Variants in TLL2 observed in about 807,000 individuals in gnomAD.
The protein encoded by TLL2 is tolloid-like protein 2.
Under a neutral mutation model 123.0 loss-of-function variants are expected in TLL2, and 106 were observed. The ratio of observed to expected loss-of-function variants is 0.86; its 90% CI spans 0.74 to 1.01. The LOEUF is 1.01. Ranked by LOEUF, TLL2 falls within the 50% of genes least tolerant of loss-of-function variation. TLL2 has a pLI of 0.00. For missense variants in TLL2, 1,332 were observed against 1,336.7 expected, an observed-to-expected ratio of 1.00 and a Z score of 0.06; for synonymous variants, 494 against 516.8, an observed-to-expected ratio of 0.96 and a Z score of 0.60.
chr10:96,500,019 A>G (rs1261302275), intron 1 of TLL2, among the ~76,000 whole-genome samples: 2 of 150,270 alleles, frequency 1.3e-5, no homozygotes, highest in African/African-American at 2.5e-5. Context: ...GATGCCTCAC[A>G]CCTGTAATCC....
chr10:96,372,290 C>T (rs890061235), intron 19 of TLL2, among the ~76,000 whole-genome samples: 5 of 151,980 alleles, frequency 3.3e-5, no homozygotes, highest in African/African-American at 4.8e-5. Flanking sequence ...TTATATTTTC[C>T]GGTACTGAAA....
At chr10:96,476,845 T>C (rs1847258533) in intron 2 of TLL2, among the ~76,000 whole-genome samples, 1 of 133,844 alleles carries the variant, frequency 7.5e-6, no homozygotes, top group Non-Finnish European at 1.6e-5. Flanking sequence ...AAATCCCTAA[T>C]CCCTTTTATG....
intron 7 of TLL2, among the ~76,000 whole-genome samples, chr10:96,420,304 C>A (rs942007): frequency 0.58 from 87,519 of 152,094 alleles, 26,354 homozygotes; most frequent in East Asian, 0.74. Context: ...AGGGAAAATA[C>A]TGAAAATCTT....
intron 7 of TLL2, among the ~76,000 whole-genome samples, chr10:96,417,612 G>A (rs1207174494): frequency 6.6e-6 from 1 of 152,190 alleles, no homozygotes; most frequent in Non-Finnish European, 1.5e-5. Flanking sequence ...CAGAGCTGGG[G>A]CCTTAAGAGG....
chr10:96,376,557 G>A, intron 18 of TLL2, 135 bp downstream of exon 18: 1 of 949,808 alleles, frequency 1.1e-6, no homozygotes, highest in South Asian at 1.7e-5. Context: ...ATGTTTTCCA[G>A]ATAATGAAAC....
rs1404724087 is a variant in TLL2, at chr10:96,410,448, T to C, written c.1075A>G (p.Thr359Ala). 1 of 1,614,014 alleles carries C rather than the reference T, an allele frequency of 6.2e-7. No homozygotes were observed. Among genetic ancestry groups the C allele is most frequent in the Non-Finnish European group, 8.5e-7 (1 of 1,180,002 alleles). ...PACGETLQDTTGNFSAPGFPN... is the reference protein window; with the variant it reads ...PACGETLQDTAGNFSAPGFPN... Reference sequence around the variant, plus strand: ...AAACCAGGTGCAGAAAAGTTTCCCGTTGTGTCCTGCAGGGTCTCCCCACAC... The same window carrying C: ...AAACCAGGTGCAGAAAAGTTTCCCGCTGTGTCCTGCAGGGTCTCCCCACAC... Residue 359 changes from threonine to alanine, a missense_variant, in exon 9 of 21, where the codon ACG becomes GCG. Thr to Ala is a moderately conservative substitution (Grantham distance 58). Transcript: ENST00000357947.
chr10:96,384,408 A>G (rs1418791612), intron 16 of TLL2, among the ~76,000 whole-genome samples, 179 bp downstream of exon 16: 1 of 152,214 alleles, frequency 6.6e-6, no homozygotes, highest in African/African-American at 2.4e-5. Context: ...GGAAACTAAC[A>G]CAGCCACCAA....
chr10:96,479,944 A>T (rs1847295185), intron 2 of TLL2, among the ~76,000 whole-genome samples: 1 of 152,198 alleles, frequency 6.6e-6, no homozygotes, highest in Non-Finnish European at 1.5e-5. Flanking sequence ...GCCCATTCAC[A>T]TGACACCAGG....
chr10:96,403,864 T>C lies in TLL2; in HGVS notation c.1267+1368A>G, dbSNP rs56144270. On this transcript the variant is annotated intron_variant, in intron 10 of 20. Transcript: ENST00000357947. The stretch of plus-strand genomic sequence containing the variant: ...AACTGCCCTGTGGTGGGAGGCAAGA[T>C]ATGTTTGCAGCAATGCTGCCTTGTT... Among the ~76,000 whole-genome samples the C allele has an allele frequency of 9.8e-3, 1,484 of 151,032 alleles. 11 individuals carry two copies. The highest frequency in any genetic ancestry group is 0.012 in the Non-Finnish European group (809 of 67,378).
At chr10:96,372,139 G>C (rs1490586078) in intron 19 of TLL2, among the ~76,000 whole-genome samples, 1 of 152,224 alleles carries the variant, frequency 6.6e-6, no homozygotes, top group Non-Finnish European at 1.5e-5. Flanking sequence ...GCAGGGACAA[G>C]AGGGCTTTTA....
chr10:96,449,541 G>A (rs552791173), intron 2 of TLL2, among the ~76,000 whole-genome samples: 13 of 152,322 alleles, frequency 8.5e-5, no homozygotes, highest in African/African-American at 3.1e-4. Flanking sequence ...CATGCTTCCA[G>A]CACTGTCTAC....
intron 1 of TLL2, among the ~76,000 whole-genome samples, chr10:96,485,656 C>T (rs1019569334): frequency 4.6e-5 from 7 of 152,196 alleles, no homozygotes; most frequent in African/African-American, 1.7e-4. Context: ...TGACTGAATA[C>T]AATAACTGTC....
chr10:96,513,495 C>T lies in TLL2; in HGVS notation c.175+16G>A. ...AAGGCAAACTTCTGCGGGACTTCCC[C>T]AGCGGCGGCACCTACCGGCTTTGCA... On this transcript the variant is annotated intron_variant, in intron 1 of 20. Coordinates refer to ENST00000357947, the MANE Select transcript of TLL2 (RefSeq NM_012465.4). 1.2e-6 allele frequency: 2 copies of T among 1,611,840 alleles called. No individual in the cohort carries two copies. The highest frequency in any genetic ancestry group is 2.7e-5 in the African/African-American group (2 of 74,828).
intron 13 of TLL2, among the ~76,000 whole-genome samples, chr10:96,394,800 T>C (rs1361487626): frequency 6.6e-6 from 1 of 152,160 alleles, no homozygotes; most frequent in Non-Finnish European, 1.5e-5. Flanking sequence ...ACAGGGTTAT[T>C]TGGGGAATTA....
At chr10:96,478,689 C>A (rs1392645070) in intron 2 of TLL2, among the ~76,000 whole-genome samples, 1 of 152,210 alleles carries the variant, frequency 6.6e-6, no homozygotes, top group African/African-American at 2.4e-5. Flanking sequence ...ATTTCAGTCA[C>A]AGGCTGCACA....
chr10:96,443,165 G>A (rs1342937675), intron 3 of TLL2, among the ~76,000 whole-genome samples: 1 of 152,162 alleles, frequency 6.6e-6, no homozygotes, highest in Non-Finnish European at 1.5e-5. Context: ...CTCCAAATAT[G>A]GCCGCCAAGT....
At position 96,405,293 on chromosome 10, in the gene TLL2, T is replaced by C. The variant is rs202238718; in HGVS notation, c.1206A>G (p.Arg402=). The C allele has an allele frequency of 6.2e-7, 1 of 1,614,196 alleles. No homozygotes were observed. Residue 402 remains arginine (R), a synonymous_variant, in exon 10 of 21, where the codon CGA becomes CGG. Transcript: ENST00000357947. Reference sequence around the variant, plus strand: ...CCTCCACGTAATCATACCAGCACAGTCGGCTTTTAAACAAATCCATGGATG... The same window carrying C: ...CCTCCACGTAATCATACCAGCACAGCCGGCTTTTAAACAAATCCATGGATG... ...NFTSMDLFKS[R]LCWYDYVEVR... is the part of the protein sequence containing the mutation.
At chr10:96,487,944 G>A (rs1847373463) in intron 1 of TLL2, among the ~76,000 whole-genome samples, 1 of 152,162 alleles carries the variant, frequency 6.6e-6, no homozygotes, top group South Asian at 2.1e-4. Flanking sequence ...TGCAGTATGG[G>A]CCCAGTGGCT....
intron 1 of TLL2, among the ~76,000 whole-genome samples, chr10:96,507,305 G>C (rs1340738166): frequency 6.6e-6 from 1 of 150,452 alleles, no homozygotes; most frequent in Non-Finnish European, 1.5e-5. Flanking sequence ...CCTCCCCCCA[G>C]CTCTGCCCCT....
Sources: allele counts gnomAD v4.1 joint callset (sites outside exome capture counted in the v4.1 genomes callset), GRCh38; gene constraint gnomAD v4.1.1; transcripts MANE v1.5; gene names NCBI Gene and HGNC (gene_info 2026-07-23, HGNC 2026-07-21).